Variants in LRRK2 observed in about 807,000 individuals in gnomAD.
LRRK2 encodes the protein leucine-rich repeat serine/threonine-protein kinase 2.
LRRK2 carries 203 observed loss-of-function variants against 302.6 expected under a neutral mutation model. The ratio of observed to expected loss-of-function variants is 0.67; its 90% confidence interval spans 0.60 to 0.75. The LOEUF is 0.75. Among genes scored for constraint, LRRK2 ranks in the 30% least tolerant of loss-of-function variants. LRRK2 has a pLI of 0.00. For synonymous variants in LRRK2, 1,066 were observed against 1,031.9 expected (o/e 1.03, Z -0.63); for missense variants, 2,830 against 2,951.0 (o/e 0.96, Z 0.95).
chr12:40,256,117 CA>C lies in LRRK2; in HGVS notation c.1289-1130del, dbSNP rs571852765. ...TGATATTTATGTGGAAACTTGAAGA[CA>C]GTAGGTTTATGTTTAGTGAAGGAAG... On this transcript the variant is annotated intron_variant, in intron 11 of 50. Transcript: ENST00000298910. 1.2e-4 allele frequency among the ~76,000 whole-genome samples: 18 copies of C among 152,200 alleles called. No homozygotes were observed. The East Asian group carries it at 3.5e-3, about 29-fold the overall frequency.
Position 40,351,583 on chromosome 12 carries a change from A to G in LRRK2, c.6426A>G (p.Arg2142=). 1 of 1,614,184 alleles carries G rather than the reference A, an allele frequency of 6.2e-7. No individual in the cohort carries two copies. The highest frequency in any genetic ancestry group is 2.2e-5 in the East Asian group (1 of 44,876). Residue 2142 remains arginine (R), a synonymous_variant, in exon 44 of 51, where the codon AGA becomes AGG. Coordinates refer to ENST00000298910, the MANE Select transcript of LRRK2 (RefSeq NM_198578.4). ...LNSAELVCLT[R]RILLPKNVIV... ...CAGCTGAATTAGTCTGTCTGACGAG[A>G]CGCATTTTATTACCTAAAAACGTAA...
intron 6 of LRRK2, among the ~76,000 whole-genome samples, chr12:40,242,845 T>A (rs1186080833): frequency 1.4e-5 from 1 of 69,550 alleles, no homozygotes; most frequent in African/African-American, 5.2e-5. Flanking sequence ...GAGCCATATC[T>A]AATAGGACTT....
chr12:40,314,971 T>C (rs1945168402), intron 32 of LRRK2, among the ~76,000 whole-genome samples: 1 of 152,100 alleles, frequency 6.6e-6, no homozygotes, highest in African/African-American at 2.4e-5. Context: ...ATATGCTCTG[T>C]AATGCATGTC....
chr12:40,282,007 C>CCGCTT (rs1162161211), intron 18 of LRRK2, among the ~76,000 whole-genome samples: 1 of 142,672 alleles, frequency 7.0e-6, no homozygotes, highest in Non-Finnish European at 1.5e-5. Flanking sequence ...CCCTCCCTCC[C>CCGCTT]CGCTTCCCTT....
intron 41 of LRRK2, among the ~76,000 whole-genome samples, chr12:40,342,972 C>A (rs1170423258): frequency 1.3e-5 from 2 of 152,122 alleles, no homozygotes; most frequent in African/African-American, 4.8e-5. Flanking sequence ...GACCCTCTGA[C>A]ATATGTGCTA....
At chr12:40,258,866 C>G (rs1426323721) in intron 12 of LRRK2, among the ~76,000 whole-genome samples, 1 of 152,140 alleles carries the variant, frequency 6.6e-6, no homozygotes, top group Non-Finnish European at 1.5e-5. Context: ...TTTCAGTTAA[C>G]AAGCAAAGCA....
chr12:40,365,310 T>A, intron 49 of LRRK2: 1 of 406,916 alleles, frequency 2.5e-6, no homozygotes, highest in Non-Finnish European at 4.4e-6. Context: ...TTTTCCTTTT[T>A]ACCTAAGGCA....
At chr12:40,281,057 G>C (rs1943673000) in intron 18 of LRRK2, among the ~76,000 whole-genome samples, 2 of 131,460 alleles carry the variant, frequency 1.5e-5, no homozygotes, top group Admixed American at 1.6e-4. Flanking sequence ...GACAGAGTGA[G>C]ACTCCGTCTC....
intron 33 of LRRK2, among the ~76,000 whole-genome samples, chr12:40,315,594 A>AT (rs1289527021): frequency 6.6e-6 from 1 of 151,916 alleles, no homozygotes; most frequent in Non-Finnish European, 1.5e-5. Flanking sequence ...TGGTTACTGA[A>AT]TTAGTCAATT....
chr12:40,250,671 C>T (rs1017087522), intron 8 of LRRK2, among the ~76,000 whole-genome samples: 1 of 152,156 alleles, frequency 6.6e-6, no homozygotes, highest in Non-Finnish European at 1.5e-5. Context: ...GTCCCATCCC[C>T]TAACAGGCCC....
rs201500816 is a variant in LRRK2, at chr12:40,346,763, A to C, written c.6120A>C (p.Ala2040=). The change falls in exon 42 of 51, where the codon GCA becomes GCC. Residue 2040 remains alanine, a synonymous_variant. Coordinates refer to ENST00000298910, the MANE Select transcript of LRRK2 (RefSeq NM_198578.4). ...TCTGCTTACTTTCAGGGTTTCGTGC[A>C]CCTGAAGTTGCCAGAGGAAATGTCA... ...KTSEGTPGFR[A]PEVARGNVIY... The C allele has an allele frequency of 1.6e-5, 26 of 1,613,868 alleles. No homozygotes were observed. Among genetic ancestry groups the C allele is most frequent in the Non-Finnish European group, 2.0e-5 (24 of 1,179,850 alleles).
In LRRK2 at chr12:40,304,044, T is replaced by A. The variant is rs1565732571; in HGVS notation, c.3687T>A (p.His1229Gln). 5.0e-6 allele frequency: 8 copies of A among 1,613,596 alleles called. No individual in the cohort carries two copies. The highest frequency in any genetic ancestry group is 6.8e-6 in the Non-Finnish European group (8 of 1,179,748). The change falls in exon 27 of 51, where the codon CAT becomes CAA. Residue 1229 changes from histidine to glutamine, a missense_variant. Transcript: ENST00000298910. ...ACTTAAGGGAACTCTTATTTAGCCA[T>A]AATCAGATCAGCATCTTGGACTTGA... ...SLNLRELLFSHNQISILDLSE... is the reference protein window; with the variant it reads ...SLNLRELLFSQNQISILDLSE...
At chr12:40,296,233 A>C (rs1439959319) in intron 23 of LRRK2, among the ~76,000 whole-genome samples, 1 of 152,188 alleles carries the variant, frequency 6.6e-6, no homozygotes. Context: ...CTCTCTGAAA[A>C]TTGACTTTGC....
In LRRK2 at chr12:40,356,526, A is replaced by G. The variant is rs1946544990; in HGVS notation, c.6843+339A>G. 2.6e-5 allele frequency among the ~76,000 whole-genome samples: 4 copies of G among 152,290 alleles called. No individual in the cohort carries two copies. In the South Asian group the frequency reaches 8.3e-4, roughly 32 times the overall value. On this transcript the variant is annotated intron_variant, in intron 46 of 50. Coordinates refer to ENST00000298910, the MANE Select transcript of LRRK2 (RefSeq NM_198578.4). ...ACAAAAATATACTTAAGTTTTAAAT[A>G]TGGCTTGCCATTAACTTTTTCTTAA... is the stretch of plus-strand genomic sequence containing the variant.
intron 14 of LRRK2, among the ~76,000 whole-genome samples, chr12:40,274,191 A>G (rs1394617413): frequency 1.3e-5 from 2 of 152,208 alleles, no homozygotes; most frequent in Non-Finnish European, 2.9e-5. Context: ...TCAAGTATGT[A>G]GACTCTGGGG....
At chr12:40,304,434 A>G (rs931464144) in intron 27 of LRRK2, 8 of 377,664 alleles carry the variant, frequency 2.1e-5, no homozygotes, top group Non-Finnish European at 3.8e-5. Context: ...AATATGCTAT[A>G]CTTATCAGAA....
At chr12:40,364,730 G>A (rs1946824322) in intron 48 of LRRK2, 112 bp from the exon 49 acceptor site, 3 of 900,896 alleles carry the variant, frequency 3.3e-6, no homozygotes, top group Non-Finnish European at 3.5e-6. Flanking sequence ...GATGCATAAT[G>A]GTGGTGGTGT....
intron 41 of LRRK2, among the ~76,000 whole-genome samples, chr12:40,344,267 C>T (rs139540676): frequency 6.6e-6 from 1 of 152,178 alleles, no homozygotes. Flanking sequence ...TCTAACAGTA[C>T]ATTTATCAAG....
chr12:40,248,684 T>G (rs1305845494), intron 7 of LRRK2, among the ~76,000 whole-genome samples: 1 of 152,238 alleles, frequency 6.6e-6, no homozygotes, highest in African/African-American at 2.4e-5. Context: ...AGGCTTTGTA[T>G]AATTTGCTAC....
Sources: allele counts gnomAD v4.1 joint callset (sites outside exome capture counted in the v4.1 genomes callset), GRCh38; gene constraint gnomAD v4.1.1; transcripts MANE v1.5; gene names NCBI Gene and HGNC (gene_info 2026-07-23, HGNC 2026-07-21).